The following LRRC8A variants were observed in gnomAD, a reference collection of about 807,000 sequenced individuals.
LRRC8A encodes the protein volume-regulated anion channel subunit LRRC8A.
A neutral mutation model predicts 52.5 loss-of-function variants in LRRC8A; 24 were observed. That is an observed-to-expected ratio of 0.46 (90% confidence interval 0.33 to 0.64). The LOEUF is 0.64. LRRC8A is among the 30% of genes least tolerant of loss of function. The pLI, the probability that LRRC8A is intolerant of heterozygous loss-of-function variation, is 0.02. For missense variants in LRRC8A, 677 were observed against 1,094.7 expected, an observed-to-expected ratio of 0.62 and a Z score of 5.38; for synonymous variants, 492 against 494.2, an observed-to-expected ratio of 1.00 and a Z score of 0.06.
intron 2 of LRRC8A, among the ~76,000 whole-genome samples, chr9:128,895,526 T>C (rs939919684): frequency 6.6e-6 from 1 of 152,238 alleles, no homozygotes; most frequent in Non-Finnish European, 1.5e-5. Flanking sequence ...TGGGGCTCTC[T>C]GGGTTACTCA....
rs567329343 is a variant in LRRC8A at position 128,885,673 on chromosome 9, C to T, written c.-115-342C>T. On this transcript the variant is annotated intron_variant, in intron 1 of 3. Transcript: ENST00000372600. ...CTGTAATCCCAATACTTTGGGAGGC[C>T]GAGGCGGGCAGATCCCTGGAGGTTA... Among the ~76,000 whole-genome samples, 27 of 152,156 alleles carry T rather than the reference C, an allele frequency of 1.8e-4. No homozygotes were observed. The East Asian group carries it at 5.2e-3, about 29-fold the overall frequency.
At chr9:128,912,794 G>C (rs147131969) in intron 3 of LRRC8A, 2 of 152,422 alleles carry the variant, frequency 1.3e-5, no homozygotes, top group African/African-American at 4.8e-5. Context: ...GTGAGGCCAC[G>C]GGGCCTGGCG....
At chr9:128,909,373 G>C in intron 3 of LRRC8A, 52 bp downstream of exon 3, 1 of 1,560,526 alleles carries the variant, frequency 6.4e-7, no homozygotes, top group Non-Finnish European at 8.7e-7. Flanking sequence ...GGCCTGGCCA[G>C]GGCTTGTGGT....
intron 2 of LRRC8A, among the ~76,000 whole-genome samples, chr9:128,901,984 C>T (rs975520201): frequency 2.6e-5 from 4 of 152,188 alleles, no homozygotes; most frequent in African/African-American, 4.8e-5. Flanking sequence ...GACAAGGAAA[C>T]GGGTGCAGCT....
chr9:128,888,616 G>A (rs74781756), intron 2 of LRRC8A, among the ~76,000 whole-genome samples: 151 of 152,262 alleles, frequency 9.9e-4, no homozygotes, highest in Non-Finnish European at 1.8e-3. Flanking sequence ...CTCTTTTGGG[G>A]TATAGCTGAC....
In LRRC8A at chr9:128,899,931, GA is replaced by G. The variant is rs1286428915; in HGVS notation, c.-8-7220del. 6.6e-6 allele frequency among the ~76,000 whole-genome samples: 1 copy of G among 152,072 alleles called. No individual in the cohort carries two copies. Among genetic ancestry groups the G allele is most frequent in the Non-Finnish European group, 1.5e-5 (1 of 68,020 alleles). On this transcript the variant is annotated intron_variant, in intron 2 of 3. Coordinates refer to ENST00000372600, the MANE Select transcript of LRRC8A (RefSeq NM_019594.4). This position sits in a 1 kb window ranked among gnomAD's most constrained non-coding sequence, Gnocchi z 4.0. ...TATGACAGTCTAAAAAAATTGAGGG[GA>G]AAAAATGGACCTGGAAACAATGGGG...
At position 128,917,822 on chromosome 9, in the gene LRRC8A, C is replaced by T. The variant is rs1840892174; in HGVS notation, c.*1451C>T. The T allele has an allele frequency of 6.5e-6, 1 of 152,688 alleles. No homozygotes were observed. Among genetic ancestry groups the T allele is most frequent in the Admixed American group, 6.5e-5 (1 of 15,286 alleles). The allele number at this position is 152,688 out of a possible 1,614,324, so 9.5% of individuals were successfully genotyped here. ...CCTTAGAAGGGTCCCCGCCTTAGAT[C>T]AATCACGTGGACACTAAGGCACGTT... On this transcript the variant is annotated 3_prime_UTR_variant, in exon 4 of 4. Transcript: ENST00000372600.
rs1464573623 is a variant in LRRC8A, at chr9:128,886,012, T to C, written c.-115-3T>C. 1 of 152,306 alleles carries C rather than the reference T, an allele frequency of 6.6e-6. No homozygotes were observed. Among genetic ancestry groups the C allele is most frequent in the Non-Finnish European group, 1.5e-5 (1 of 68,038 alleles). 9.4% of individuals were successfully genotyped at this position (152,306 alleles called of 1,614,324 possible). On this transcript the variant is annotated splice_polypyrimidine_tract_variant and splice_region_variant and intron_variant, in intron 1 of 3. Transcript: ENST00000372600. ...GCTGACGGCAGCTCTCGCTTCCTTG[T>C]AGGGAGGCAGCGTCCATGGAGCAAA...
Position 128,908,707 on chromosome 9 carries a change from C to T in LRRC8A, c.1543C>T (p.Leu515=), listed in dbSNP as rs776051566. 2 of 1,613,078 alleles carry T rather than the reference C, an allele frequency of 1.2e-6. No individual in the cohort carries two copies. Among genetic ancestry groups the T allele is most frequent in the Admixed American group, 1.7e-5 (1 of 60,030 alleles). Residue 515 remains leucine, a synonymous_variant, in exon 3 of 4, where the codon CTG becomes TTG. Transcript: ENST00000372600. ...IKEIPLWIYS[L]KTLEELHLTG... ...GGAGATCCCGCTGTGGATCTATAGC[C>T]TGAAGACACTGGAGGAGCTGCACCT... is the stretch of plus-strand genomic sequence containing the variant.
chr9:128,908,767 A>G lies in LRRC8A; in HGVS notation c.1603A>G (p.Ile535Val). Residue 535 changes from isoleucine to valine, a missense_variant, in exon 3 of 4, where the codon ATC (isoleucine) becomes GTC (valine). By Grantham distance (29) the Ile-to-Val change is conservative. Transcript: ENST00000372600. The stretch of plus-strand genomic sequence containing the variant: ...CCTGAGCGCGGAGAACAACCGCTAC[A>G]TCGTCATCGACGGGCTGCGGGAGCT... ...GNLSAENNRYIVIDGLRELKR... is the reference protein window; with the variant it reads ...GNLSAENNRYVVIDGLRELKR... 1.9e-6 allele frequency: 3 copies of G among 1,613,322 alleles called. No individual in the cohort carries two copies. Among genetic ancestry groups the G allele is most frequent in the East Asian group, 2.2e-5 (1 of 44,890 alleles).
At chr9:128,909,973 G>A (rs1452687771) in intron 3 of LRRC8A, among the ~76,000 whole-genome samples, 2 of 152,240 alleles carry the variant, frequency 1.3e-5, no homozygotes, top group Admixed American at 6.5e-5. Context: ...CATTGTCACT[G>A]GGAGTTTGGG....
intron 2 of LRRC8A, among the ~76,000 whole-genome samples, chr9:128,895,113 G>C (rs1839773573): frequency 1.3e-5 from 2 of 152,236 alleles, no homozygotes; most frequent in South Asian, 4.1e-4. Context: ...TTCTTTCGCA[G>C]ATAACACATT....
chr9:128,903,310 T>C lies in LRRC8A; in HGVS notation c.-8-3847T>C, dbSNP rs535287152. On this transcript the variant is annotated intron_variant, in intron 2 of 3. Coordinates refer to ENST00000372600, the MANE Select transcript of LRRC8A (RefSeq NM_019594.4). ...TGCTGAGTGCCCCATTCCACCTGCC[T>C]CACATGGGGTCCTGCTCTGCCTTCC... Among the ~76,000 whole-genome samples the C allele has an allele frequency of 8.5e-5, 13 of 152,112 alleles. No individual in the cohort carries two copies. The South Asian group carries it at 1.7e-3, about 19-fold the overall frequency.
In LRRC8A at chr9:128,917,282, G is replaced by C. The variant is rs1004196076; in HGVS notation, c.*911G>C. 6.6e-6 allele frequency: 1 copy of C among 152,482 alleles called. No homozygotes were observed. Among genetic ancestry groups the C allele is most frequent in the African/African-American group, 2.4e-5 (1 of 41,382 alleles). 9.4% of individuals were successfully genotyped at this position (152,482 alleles called of 1,614,324 possible). On this transcript the variant is annotated 3_prime_UTR_variant, in exon 4 of 4. Coordinates refer to ENST00000372600, the MANE Select transcript of LRRC8A (RefSeq NM_019594.4). ...TGACCTTGGTCCAGGAGTTCTATTT[G>C]TTCCTGGGGAGGGAGGTTTTTTTGT... is the stretch of plus-strand genomic sequence containing the variant.
chr9:128,893,542 A>G (rs58911737), intron 2 of LRRC8A, among the ~76,000 whole-genome samples: 8,403 of 151,712 alleles, frequency 0.055, 279 homozygotes, highest in African/African-American at 0.095. Context: ...TGGGGTCTGA[A>G]CTCCTCCCTG....
chr9:128,890,989 TA>T (rs892616576), intron 2 of LRRC8A, among the ~76,000 whole-genome samples: 1 of 139,456 alleles, frequency 7.2e-6, no homozygotes. Flanking sequence ...TCTACAAAAA[TA>T]AAAAAAAAAT....
rs1426278260 is a variant in LRRC8A at position 128,911,702 on chromosome 9, G to A, written c.2157+2381G>A. Among the ~76,000 whole-genome samples, 1 of 152,180 alleles carries A rather than the reference G, an allele frequency of 6.6e-6. No homozygotes were observed. Among genetic ancestry groups the A allele is most frequent in the African/African-American group, 2.4e-5 (1 of 41,440 alleles). Reference sequence around the variant, plus strand: ...GTTAGTGTCATGCCTGCTGGCTGAGGTCACCCCTCAGGAAAGGAGCTGGCG... The same window carrying A: ...GTTAGTGTCATGCCTGCTGGCTGAGATCACCCCTCAGGAAAGGAGCTGGCG... On this transcript the variant is annotated intron_variant, in intron 3 of 3. Coordinates refer to ENST00000372600, the MANE Select transcript of LRRC8A (RefSeq NM_019594.4). The surrounding 1 kb of genome is among the most constrained non-coding windows in gnomAD (Gnocchi z 4.9).
At chr9:128,887,351 A>C (rs977806702) in intron 2 of LRRC8A, among the ~76,000 whole-genome samples, 1 of 151,872 alleles carries the variant, frequency 6.6e-6, no homozygotes, top group African/African-American at 2.4e-5. Context: ...TATTATGGAG[A>C]TAGAGCCTCT....
chr9:128,894,028 G>A (rs1161971061), intron 2 of LRRC8A, among the ~76,000 whole-genome samples: 3 of 152,044 alleles, frequency 2.0e-5, no homozygotes, highest in Non-Finnish European at 4.4e-5. Context: ...ACAGTTGTGT[G>A]CTACCACGCC....
Sources: gnomAD v4.1 joint callset for allele counts (sites outside exome capture counted in the v4.1 genomes callset) on GRCh38, gnomAD v4.1.1 for gene constraint, Gnocchi (gnomAD v3.1) non-coding constraint, MANE v1.5 for transcripts, NCBI Gene and HGNC (gene_info 2026-07-23, HGNC 2026-07-21) for gene names.